SEMA6D: variants seen among roughly 807,000 people sequenced by gnomAD.
SEMA6D encodes semaphorin 6D, also known as semaphorin-6D.
Under a neutral mutation model 106.6 loss-of-function variants are expected in SEMA6D, and 35 were observed. The observed-to-expected ratio is 0.33, with a 90% CI of 0.25 to 0.44. The LOEUF (loss-of-function observed/expected upper bound fraction) is 0.44. Among genes scored for constraint, SEMA6D ranks in the 20% least tolerant of loss-of-function variants. The pLI is 1.00. For missense variants in SEMA6D, 1,185 were observed against 1,345.9 expected, an observed-to-expected ratio of 0.88 and a Z score of 1.87; for synonymous variants, 499 against 487.7, an observed-to-expected ratio of 1.02 and a Z score of -0.31.
At chr15:47,730,100 AT>A in intron 1 of SEMA6D, 1 of 808,380 alleles carries the variant, frequency 1.2e-6, no homozygotes, top group Admixed American at 2.4e-5. Flanking sequence ...AATTTATATT[AT>A]TTTAATTATT....
intron 1 of SEMA6D, among the ~76,000 whole-genome samples, chr15:47,287,582 A>G (rs1422257184): frequency 1.3e-5 from 2 of 152,112 alleles, no homozygotes; most frequent in African/African-American, 4.8e-5. Context: ...TCATTGTTAT[A>G]CCTCAGAATC....
At chr15:47,481,544 T>C (rs2043152730) in intron 3 of SEMA6D, among the ~76,000 whole-genome samples, 1 of 152,182 alleles carries the variant, frequency 6.6e-6, no homozygotes, top group African/African-American at 2.4e-5. Context: ...GATTGATGGA[T>C]ACAAGACTGT....
chr15:47,417,776 A>C (rs1423720769), intron 2 of SEMA6D, among the ~76,000 whole-genome samples: 1 of 152,030 alleles, frequency 6.6e-6, no homozygotes, highest in African/African-American at 2.4e-5. Context: ...TCCATGTGAA[A>C]GACATTAATC....
intron 1 of SEMA6D, chr15:47,396,850 G>A (rs763430683): frequency 2.0e-5 from 3 of 152,098 alleles, no homozygotes; most frequent in Non-Finnish European, 4.4e-5. Context: ...AAAGCCTTTT[G>A]TTTAAAAAGC....
intron 2 of SEMA6D, among the ~76,000 whole-genome samples, chr15:47,461,449 C>T (rs894225543): frequency 1.3e-5 from 2 of 152,034 alleles, no homozygotes; most frequent in African/African-American, 4.8e-5. Flanking sequence ...AAGGAGTCAT[C>T]TGTAATATTT....
At chr15:47,362,544 C>A (rs2038853328) in intron 1 of SEMA6D, among the ~76,000 whole-genome samples, 1 of 152,152 alleles carries the variant, frequency 6.6e-6, no homozygotes, top group African/African-American at 2.4e-5. Flanking sequence ...GCTGACTACA[C>A]CTCCCCCCAG....
At chr15:47,663,611 G>T (rs967384742) in intron 4 of SEMA6D, among the ~76,000 whole-genome samples, 1 of 152,134 alleles carries the variant, frequency 6.6e-6, no homozygotes, top group Non-Finnish European at 1.5e-5. Context: ...GGGAGTATAG[G>T]GAATACAGTG....
intron 3 of SEMA6D, among the ~76,000 whole-genome samples, chr15:47,522,368 T>C (rs185366104): frequency 1.5e-4 from 23 of 152,346 alleles, no homozygotes; most frequent in Admixed American, 7.8e-4. Context: ...TCCCTTGTGC[T>C]ATTTCCCACA....
intron 3 of SEMA6D, among the ~76,000 whole-genome samples, chr15:47,573,169 T>G (rs2076093057): frequency 6.6e-6 from 1 of 151,028 alleles, no homozygotes; most frequent in Admixed American, 6.6e-5. Flanking sequence ...ATTTGTAAGT[T>G]AAATTAGAAA....
chr15:47,575,584 T>A (rs1292268927), intron 3 of SEMA6D, among the ~76,000 whole-genome samples: 2 of 152,138 alleles, frequency 1.3e-5, no homozygotes, highest in African/African-American at 4.8e-5. Flanking sequence ...CTGGGCATGG[T>A]GGCATACGCC....
intron 1 of SEMA6D, among the ~76,000 whole-genome samples, chr15:47,727,958 G>A (rs2079871784): frequency 6.6e-6 from 1 of 152,254 alleles, no homozygotes; most frequent in Non-Finnish European, 1.5e-5. Flanking sequence ...AGAGCTGGAG[G>A]CCCAGCAGAA....
At chr15:47,536,018 C>T (rs907636335) in intron 3 of SEMA6D, among the ~76,000 whole-genome samples, 2 of 152,092 alleles carry the variant, frequency 1.3e-5, no homozygotes, top group Non-Finnish European at 2.9e-5. Context: ...AAATGCTATG[C>T]TGTAGGATTT....
chr15:47,454,599 G>GCA (rs71118183), intron 2 of SEMA6D, among the ~76,000 whole-genome samples: 27,367 of 148,836 alleles, frequency 0.18, 2,558 homozygotes, highest in South Asian at 0.34. Flanking sequence ...TTGCACATGT[G>GCA]CACACACACA....
chr15:47,759,106 C>T (rs2081926640), intron 1 of SEMA6D, among the ~76,000 whole-genome samples: 1 of 152,106 alleles, frequency 6.6e-6, no homozygotes, highest in Non-Finnish European at 1.5e-5. Context: ...GATTGGTTAT[C>T]ATGAAATCAT....
intron 4 of SEMA6D, among the ~76,000 whole-genome samples, chr15:47,709,925 A>T (rs1217924252): frequency 6.6e-6 from 1 of 151,518 alleles, no homozygotes; most frequent in Non-Finnish European, 1.5e-5. Context: ...TTGTTCCTTT[A>T]TTACATGGGA....
At chr15:47,504,487 G>A (rs1259736878) in intron 3 of SEMA6D, among the ~76,000 whole-genome samples, 1 of 149,576 alleles carries the variant, frequency 6.7e-6, no homozygotes, top group African/African-American at 2.5e-5. Flanking sequence ...TATGGTTGAT[G>A]CTCTGATAGA....
chr15:47,319,616 C>G (rs1204566700), intron 1 of SEMA6D, among the ~76,000 whole-genome samples: 2 of 152,020 alleles, frequency 1.3e-5, no homozygotes, highest in African/African-American at 4.8e-5. Context: ...TTTCCCTCCC[C>G]CCATTTCAGG....
At chr15:47,726,719 G>A (rs2079779895) in intron 1 of SEMA6D, among the ~76,000 whole-genome samples, 1 of 152,202 alleles carries the variant, frequency 6.6e-6, no homozygotes, top group South Asian at 2.1e-4. Context: ...TATTTGAACA[G>A]CACTTATAAT....
chr15:47,726,652 T>TGGATGATG (rs1456171888), intron 1 of SEMA6D, among the ~76,000 whole-genome samples: 1 of 152,170 alleles, frequency 6.6e-6, no homozygotes, highest in Non-Finnish European at 1.5e-5. Flanking sequence ...TTATAAAAGG[T>TGGATGATG]GGATGATGGT....
Sources: gnomAD v4.1 joint callset for allele counts (sites outside exome capture counted in the v4.1 genomes callset) on GRCh38, gnomAD v4.1.1 for gene constraint, MANE v1.5 for transcripts, NCBI Gene and HGNC (gene_info 2026-07-23, HGNC 2026-07-21) for gene names.